HPSE2: variants seen among roughly 807,000 people sequenced by gnomAD.
HPSE2 encodes heparanase 2 (inactive).
In HPSE2, 38 loss-of-function variants were observed where a neutral mutation model predicts 60.5. That is an observed-to-expected ratio of 0.63 (90% confidence interval 0.48 to 0.82). The LOEUF (loss-of-function observed/expected upper bound fraction) is 0.82. Ranked by LOEUF, HPSE2 falls within the 40% of genes least tolerant of loss-of-function variation. The probability of loss-of-function intolerance (pLI) is 0.00; values close to 1 mark genes in which losing one functional copy is unlikely to be tolerated. For synonymous variants in HPSE2, 295 were observed against 293.2 expected (o/e 1.01, Z -0.06); for missense variants, 713 against 740.4 (o/e 0.96, Z 0.43).
At chr10:98,627,073 G>A (rs1429364241) in intron 7 of HPSE2, among the ~76,000 whole-genome samples, 2 of 152,104 alleles carry the variant, frequency 1.3e-5, no homozygotes, top group African/African-American at 2.4e-5. Flanking sequence ...GCACCCGGCC[G>A]AGATGATTAT....
intron 3 of HPSE2, among the ~76,000 whole-genome samples, chr10:99,085,323 T>G (rs761017338): frequency 4.6e-5 from 7 of 152,228 alleles, no homozygotes; most frequent in Non-Finnish European, 1.0e-4. Context: ...GCTCCTGTAT[T>G]TGTAGCTAAC....
chr10:98,730,079 G>C (rs960848856), intron 4 of HPSE2, among the ~76,000 whole-genome samples: 2 of 151,984 alleles, frequency 1.3e-5, no homozygotes, highest in African/African-American at 4.8e-5. Context: ...ACATCCTTCA[G>C]GACAGATCAT....
chr10:98,474,436 G>A (rs1194188628), intron 11 of HPSE2, among the ~76,000 whole-genome samples: 1 of 152,276 alleles, frequency 6.6e-6, no homozygotes. Flanking sequence ...TGTTCCAACA[G>A]GGACACGAAG....
chr10:99,286,886 T>G, the HPSE2 span, among the ~76,000 whole-genome samples: 1 of 152,202 alleles, frequency 6.6e-6, no homozygotes, highest in Admixed American at 6.5e-5. Context: ...CACTGTAAGA[T>G]AGATACTTTT....
At chr10:99,086,103 T>C (rs575878647) in intron 3 of HPSE2, among the ~76,000 whole-genome samples, 4 of 152,184 alleles carry the variant, frequency 2.6e-5, no homozygotes, top group Non-Finnish European at 5.9e-5. Context: ...TTTGTTTATA[T>C]GCCTATTACA....
At chr10:98,921,555 T>C (rs1052880221) in intron 3 of HPSE2, among the ~76,000 whole-genome samples, 6 of 152,222 alleles carry the variant, frequency 3.9e-5, no homozygotes, top group African/African-American at 1.4e-4. Context: ...AGACAATTTG[T>C]GCTCCAATTA....
intron 9 of HPSE2, among the ~76,000 whole-genome samples, chr10:98,523,202 G>T (rs1435362406): frequency 6.6e-6 from 1 of 152,144 alleles, no homozygotes; most frequent in Non-Finnish European, 1.5e-5. Context: ...TTTGGGGCTG[G>T]TACTTTGCCA....
chr10:99,179,511 A>G (rs1267073396), intron 2 of HPSE2, among the ~76,000 whole-genome samples: 1 of 152,224 alleles, frequency 6.6e-6, no homozygotes, highest in Non-Finnish European at 1.5e-5. Flanking sequence ...TCCATTCACA[A>G]TTGCTACTAA....
At chr10:98,486,487 C>G (rs1221612621) in intron 10 of HPSE2, among the ~76,000 whole-genome samples, 1 of 151,900 alleles carries the variant, frequency 6.6e-6, no homozygotes, top group East Asian at 1.9e-4. Flanking sequence ...TTCATTTTTT[C>G]TGGCTGTTCT....
intron 7 of HPSE2, among the ~76,000 whole-genome samples, chr10:98,623,666 A>G (rs1447729760): frequency 6.6e-6 from 1 of 152,202 alleles, no homozygotes; most frequent in Non-Finnish European, 1.5e-5. Flanking sequence ...TTGGACTTCA[A>G]TATCTTCATC....
At chr10:99,218,957 T>A (rs1589834998) in intron 2 of HPSE2, among the ~76,000 whole-genome samples, 1 of 152,330 alleles carries the variant, frequency 6.6e-6, no homozygotes, top group South Asian at 2.1e-4. Flanking sequence ...GAGAATAACA[T>A]ACCTATCAGG....
intron 2 of HPSE2, among the ~76,000 whole-genome samples, chr10:99,199,807 G>A (rs933855671): frequency 6.6e-6 from 1 of 152,060 alleles, no homozygotes; most frequent in Admixed American, 6.5e-5. Flanking sequence ...CTCTGTTTCT[G>A]TTAAGAAAAA....
intron 3 of HPSE2, among the ~76,000 whole-genome samples, chr10:98,925,190 A>G (rs1402642599): frequency 6.6e-6 from 1 of 152,158 alleles, no homozygotes; most frequent in Non-Finnish European, 1.5e-5. Flanking sequence ...ATGACGTTAA[A>G]TCCAAGTACT....
intron 3 of HPSE2, among the ~76,000 whole-genome samples, chr10:99,077,399 C>A (rs1188971877): frequency 6.6e-6 from 1 of 152,012 alleles, no homozygotes; most frequent in South Asian, 2.1e-4. Context: ...TTTCTTCATT[C>A]TTTTTCACTT....
intron 3 of HPSE2, among the ~76,000 whole-genome samples, chr10:98,764,067 A>G (rs1434069522): frequency 6.6e-6 from 1 of 152,170 alleles, no homozygotes; most frequent in African/African-American, 2.4e-5. Context: ...TAGTTATTTA[A>G]TGTATTAATT....
chr10:99,209,078 G>T (rs556707183), intron 2 of HPSE2, among the ~76,000 whole-genome samples: 2 of 152,136 alleles, frequency 1.3e-5, no homozygotes, highest in East Asian at 1.9e-4. Context: ...TACCTTCAGC[G>T]ATTATCCAGA....
At chr10:98,634,391 T>C (rs978473570) in intron 7 of HPSE2, among the ~76,000 whole-genome samples, 3 of 152,224 alleles carry the variant, frequency 2.0e-5, no homozygotes, top group Non-Finnish European at 4.4e-5. Flanking sequence ...GTGATACTAC[T>C]GTTCTTACCC....
intron 3 of HPSE2, among the ~76,000 whole-genome samples, chr10:99,129,114 T>C (rs1845281383): frequency 6.6e-6 from 1 of 152,148 alleles, no homozygotes; most frequent in South Asian, 2.1e-4. Flanking sequence ...ATCTTAAATA[T>C]ATATGAACCT....
intron 9 of HPSE2, among the ~76,000 whole-genome samples, chr10:98,528,014 G>A (rs188298369): frequency 3.1e-4 from 47 of 152,290 alleles, no homozygotes; most frequent in African/African-American, 1.1e-3. Flanking sequence ...ATCATTCGCG[G>A]TCAGGTGTTC....
Sources: allele counts gnomAD v4.1 joint callset (sites outside exome capture counted in the v4.1 genomes callset), GRCh38; gene constraint gnomAD v4.1.1; transcripts MANE v1.5; gene names NCBI Gene and HGNC (gene_info 2026-07-23, HGNC 2026-07-21).